KHDRBS2: variants seen among roughly 807,000 people sequenced by gnomAD.
KHDRBS2 encodes KH domain-containing, RNA-binding, signal transduction-associated protein 2.
KHDRBS2 carries 26 observed loss-of-function variants against 44.3 expected under a neutral mutation model. The observed-to-expected ratio is 0.59, with a 90% CI of 0.43 to 0.81. The LOEUF is 0.81. Ranked by LOEUF, KHDRBS2 falls within the 40% of genes least tolerant of loss-of-function variation. The pLI is 0.00. For missense variants in KHDRBS2, 476 were observed against 433.1 expected (o/e 1.10, Z -0.88); for synonymous variants, 194 against 151.1 (o/e 1.28, Z -2.08).
intron 4 of KHDRBS2, among the ~76,000 whole-genome samples, chr6:61,935,131 G>A (rs1384971037): frequency 6.6e-6 from 1 of 152,122 alleles, no homozygotes; most frequent in East Asian, 1.9e-4. Context: ...TGTCGCTAAG[G>A]AAATTTAGGT....
At chr6:62,032,659 T>G (rs754791662) in intron 3 of KHDRBS2, among the ~76,000 whole-genome samples, 6 of 151,870 alleles carry the variant, frequency 4.0e-5, no homozygotes, top group African/African-American at 2.4e-5. Flanking sequence ...ATTACAGGGC[T>G]TGGGGTACCC....
intron 8 of KHDRBS2, among the ~76,000 whole-genome samples, chr6:61,685,847 G>T (rs1204119): frequency 0.15 from 22,544 of 151,642 alleles, 2,224 homozygotes; most frequent in South Asian, 0.27. Flanking sequence ...GAAAAATCTG[G>T]ATGATTTTTA....
intron 6 of KHDRBS2, among the ~76,000 whole-genome samples, chr6:61,773,141 T>C (rs1239932550): frequency 6.6e-6 from 1 of 151,884 alleles, no homozygotes; most frequent in East Asian, 1.9e-4. Context: ...TTTATAGTCC[T>C]TTGGGTATAT....
the KHDRBS2 span, among the ~76,000 whole-genome samples, chr6:61,549,458 C>G: frequency 6.6e-6 from 1 of 152,082 alleles, no homozygotes; most frequent in Admixed American, 6.6e-5. Context: ...TTATGAATAA[C>G]AGCAATAAGC....
the KHDRBS2 span, among the ~76,000 whole-genome samples, chr6:61,547,645 G>GA: frequency 3.9e-5 from 6 of 152,058 alleles, no homozygotes; most frequent in Admixed American, 2.6e-4. Context: ...TCGAGAGTTT[G>GA]AAAAAATACA....
intron 1 of KHDRBS2, among the ~76,000 whole-genome samples, chr6:62,203,817 T>C (rs1827467205): frequency 6.6e-6 from 1 of 152,186 alleles, no homozygotes; most frequent in African/African-American, 2.4e-5. Flanking sequence ...CTTTTGATGT[T>C]TGTCCTCCCG....
At chr6:62,138,671 T>C (rs1207294160) in intron 2 of KHDRBS2, among the ~76,000 whole-genome samples, 1 of 152,198 alleles carries the variant, frequency 6.6e-6, no homozygotes, top group Admixed American at 6.5e-5. Flanking sequence ...TGATTAAACC[T>C]AGAGATGGTT....
intron 6 of KHDRBS2, among the ~76,000 whole-genome samples, chr6:61,766,258 T>G (rs1394231581): frequency 5.9e-5 from 9 of 152,056 alleles, no homozygotes; most frequent in Non-Finnish European, 1.0e-4. Flanking sequence ...TTCAATTAAT[T>G]CACATATAGT....
At chr6:62,093,420 T>A (rs1250988234) in intron 2 of KHDRBS2, among the ~76,000 whole-genome samples, 1 of 151,972 alleles carries the variant, frequency 6.6e-6, no homozygotes, top group Non-Finnish European at 1.5e-5. Flanking sequence ...ATGTATAAGT[T>A]ATGTAATGAT....
the KHDRBS2 span, among the ~76,000 whole-genome samples, chr6:61,556,872 ATTTTTTTTTTTTTTTTTT>A: frequency 1.1e-5 from 1 of 87,456 alleles, no homozygotes; most frequent in Non-Finnish European, 2.2e-5. Context: ...TGAAATTGAG[ATTTTTTTTTTTTTTTTTT>A]TTTTTTTTTT....
the KHDRBS2 span, among the ~76,000 whole-genome samples, chr6:61,639,539 A>T: frequency 6.6e-6 from 1 of 152,054 alleles, no homozygotes; most frequent in Non-Finnish European, 1.5e-5. Flanking sequence ...TCTTCCAAAA[A>T]GGCCACCCCT....
At chr6:62,220,256 T>C (rs1306575406) in intron 1 of KHDRBS2, among the ~76,000 whole-genome samples, 1 of 151,836 alleles carries the variant, frequency 6.6e-6, no homozygotes, top group Non-Finnish European at 1.5e-5. Flanking sequence ...CCAACAAACT[T>C]GTACAATTTA....
chr6:62,150,316 G>A (rs1328230807), intron 2 of KHDRBS2, among the ~76,000 whole-genome samples: 2 of 142,880 alleles, frequency 1.4e-5, no homozygotes, highest in South Asian at 2.2e-4. Context: ...AAAAAAAAAA[G>A]TCTAGAAATT....
At chr6:61,953,784 C>T (rs1327674762) in intron 4 of KHDRBS2, among the ~76,000 whole-genome samples, 2 of 152,070 alleles carry the variant, frequency 1.3e-5, no homozygotes, top group African/African-American at 4.8e-5. Flanking sequence ...TTAGAAGATA[C>T]AAGTGCAGCT....
chr6:61,872,784 G>A (rs897888254), intron 6 of KHDRBS2, among the ~76,000 whole-genome samples: 11 of 151,974 alleles, frequency 7.2e-5, no homozygotes, highest in Non-Finnish European at 2.9e-5. Flanking sequence ...TGTGACCAGT[G>A]CCAAGATTCA....
At chr6:61,606,594 G>A in the KHDRBS2 span, among the ~76,000 whole-genome samples, 1 of 152,266 alleles carries the variant, frequency 6.6e-6, no homozygotes, top group African/African-American at 2.4e-5. Context: ...TGGTAAGAAT[G>A]GGGGCTTAGA....
chr6:61,991,951 T>C (rs555911245), intron 3 of KHDRBS2, among the ~76,000 whole-genome samples: 2 of 152,352 alleles, frequency 1.3e-5, no homozygotes, highest in African/African-American at 4.8e-5. Flanking sequence ...TGGAATGTTT[T>C]ACTTTGGACA....
chr6:62,131,188 A>G (rs1428965485), intron 2 of KHDRBS2, among the ~76,000 whole-genome samples: 1 of 152,146 alleles, frequency 6.6e-6, no homozygotes, highest in African/African-American at 2.4e-5. Flanking sequence ...ACACTTGAGA[A>G]CCTTTGATAG....
At chr6:61,842,985 T>C (rs1173760364) in intron 6 of KHDRBS2, among the ~76,000 whole-genome samples, 2 of 136,018 alleles carry the variant, frequency 1.5e-5, no homozygotes, top group Non-Finnish European at 3.4e-5. Context: ...TACCACATTT[T>C]ATATTGTTCA....
Sources: allele counts gnomAD v4.1 joint callset (sites outside exome capture counted in the v4.1 genomes callset), GRCh38; gene constraint gnomAD v4.1.1; transcripts MANE v1.5; gene names NCBI Gene and HGNC (gene_info 2026-07-23, HGNC 2026-07-21).